FSIP2: variants seen among roughly 807,000 people sequenced by gnomAD.
FSIP2 encodes the protein fibrous sheath-interacting protein 2.
Under a neutral mutation model 510.5 loss-of-function variants are expected in FSIP2, and 367 were observed. The ratio of observed to expected loss-of-function variants is 0.72; its 90% CI spans 0.66 to 0.78. FSIP2 has a LOEUF of 0.78. FSIP2 is among the 30% of genes least tolerant of loss of function. FSIP2 has a pLI of 0.00. For synonymous variants in FSIP2, 2,601 were observed against 2,732.2 expected (o/e 0.95, Z 1.50); for missense variants, 7,594 against 7,901.7 (o/e 0.96, Z 1.48).
chr2:185,795,592 A>T lies in FSIP2; in HGVS notation c.8456A>T (p.Tyr2819Phe). Residue 2819 changes from tyrosine to phenylalanine, a missense_variant, in exon 16 of 23, where the codon TAC becomes TTC. Tyr to Phe is a conservative substitution (Grantham distance 22). Transcript: ENST00000424728. ...GSLPKQQACF[Y>F]LENVSSQLEH... ...CTTCCTAAACAACAAGCATGTTTTT[A>T]CTTGGAGAATGTTTCTTCACAGCTA... is the stretch of plus-strand genomic sequence containing the variant. The T allele has an allele frequency of 6.5e-7, 1 of 1,535,138 alleles. No individual in the cohort carries two copies.
At chr2:185,742,375 A>T (rs904014344) in intron 2 of FSIP2, among the ~76,000 whole-genome samples, 4 of 152,248 alleles carry the variant, frequency 2.6e-5, no homozygotes, top group African/African-American at 9.6e-5. Flanking sequence ...AGCAGATATA[A>T]GAAACATGAC....
rs1185313010 is a variant in FSIP2, at chr2:185,789,523, T to G, written c.2387T>G (p.Leu796Arg). 1 of 1,534,702 alleles carries G rather than the reference T, an allele frequency of 6.5e-7. No homozygotes were observed. Among genetic ancestry groups the G allele is most frequent in the South Asian group, 1.2e-5 (1 of 84,038 alleles). The stretch of plus-strand genomic sequence containing the variant: ...CCAAGTTTAGCAGCCAGTGATGAAC[T>G]TCTCACATCATCTAATGGAAAACCT... ...IKPSLAASDELLTSSNGKPLK... is the reference protein window; with the variant it reads ...IKPSLAASDERLTSSNGKPLK... Residue 796 changes from leucine to arginine, a missense_variant, in exon 16 of 23, where the codon CTT (leucine) becomes CGT (arginine). By Grantham distance (102) the Leu-to-Arg change is moderately radical (BLOSUM62 -2). Transcript: ENST00000424728.
chr2:185,741,658 G>A (rs1034021271), intron 2 of FSIP2, among the ~76,000 whole-genome samples: 2 of 152,224 alleles, frequency 1.3e-5, no homozygotes, highest in African/African-American at 2.4e-5. Context: ...TCCCCTTTAC[G>A]AGTTCTTTCT....
chr2:185,782,593 G>C (rs1692875654), intron 13 of FSIP2, 112 bp from the exon 14 acceptor site: 1 of 690,110 alleles, frequency 1.4e-6, no homozygotes, highest in Admixed American at 2.2e-5. Context: ...GTCCCTGAAA[G>C]CCTGTAAACG....
intron 1 of FSIP2, 88 bp downstream of exon 1, chr2:185,739,081 G>C: frequency 7.0e-7 from 1 of 1,422,516 alleles, no homozygotes; most frequent in Non-Finnish European, 9.3e-7. Context: ...CACGGGTCGC[G>C]AGGCTCCCAA....
In FSIP2 at chr2:185,807,431, C is replaced by T; in HGVS notation, c.18125C>T (p.Thr6042Ile). The T allele has an allele frequency of 6.2e-7, 1 of 1,611,670 alleles. No individual in the cohort carries two copies. The highest frequency in any genetic ancestry group is 8.5e-7 in the Non-Finnish European group (1 of 1,179,154). Residue 6042 changes from threonine (T) to isoleucine (I), a missense_variant, in exon 17 of 23, where the codon ACA (threonine) becomes ATA (isoleucine). Transcript: ENST00000424728. ...AAAGAACCTGAGGACAATTTGTCCA[C>T]AGAACTGAATTTCCTTCAAATGAAG... is the stretch of plus-strand genomic sequence containing the variant. Reference protein sequence around the residue: ...KTKEPEDNLSTELNFLQMKLV... With the variant: ...KTKEPEDNLSIELNFLQMKLV...
At chr2:185,828,072 TAAA>T in intron 20 of FSIP2, 81 bp from the exon 21 acceptor site, 1 of 795,382 alleles carries the variant, frequency 1.3e-6, no homozygotes, top group South Asian at 1.6e-5. Flanking sequence ...TGGTGAAAAA[TAAA>T]TAATATGATC....
intron 15 of FSIP2, 33 bp downstream of exon 15, chr2:185,786,321 A>C: frequency 2.1e-6 from 3 of 1,411,776 alleles, no homozygotes; most frequent in Non-Finnish European, 2.9e-6. Flanking sequence ...AGAAAGCAAC[A>C]TATTAGTCAT....
intron 11 of FSIP2, 90 bp downstream of exon 11, chr2:185,762,107 T>TA (rs973142086): frequency 1.6e-6 from 1 of 607,710 alleles, no homozygotes; most frequent in Non-Finnish European, 2.8e-6. Flanking sequence ...TATCTGATTA[T>TA]AAAAATATGC....
rs566980668 is a variant in FSIP2 at position 185,803,445 on chromosome 2, C to T, written c.14139C>T (p.Val4713=). 35 of 1,529,606 alleles carry T rather than the reference C, an allele frequency of 2.3e-5. No individual in the cohort carries two copies. In the African/African-American group the frequency reaches 3.7e-4, roughly 16 times the overall value. The allele number at this position is 1,529,606 out of a possible 1,614,324, so 94.8% of individuals were successfully genotyped here. Residue 4713 remains valine (V), a synonymous_variant, in exon 17 of 23, where the codon GTC becomes GTT. Coordinates refer to ENST00000424728, the MANE Select transcript of FSIP2 (RefSeq NM_173651.4). The part of the protein sequence containing the change: ...SKVLQEYEME[V]VPNKDFLNDT... ...TTTTGCAAGAATATGAAATGGAAGT[C>T]GTGCCCAATAAAGATTTTCTAAATG...
In FSIP2 at chr2:185,790,744, A is replaced by C; in HGVS notation, c.3608A>C (p.His1203Pro). 3 of 1,532,782 alleles carry C rather than the reference A, an allele frequency of 2.0e-6. No individual in the cohort carries two copies. Among genetic ancestry groups the C allele is most frequent in the Non-Finnish European group, 2.6e-6 (3 of 1,144,484 alleles). 94.9% of individuals were successfully genotyped at this position (1,532,782 alleles called of 1,614,324 possible). Residue 1203 changes from histidine to proline, a missense_variant, in exon 16 of 23, where the codon CAT becomes CCT. Coordinates refer to ENST00000424728, the MANE Select transcript of FSIP2 (RefSeq NM_173651.4). ...ISSSVHQISL[H>P]NSDTEHIVKE... ...TCATCAGTTCATCAGATTTCCTTAC[A>C]TAATTCTGACACTGAACACATAGTC...
In FSIP2 at chr2:185,796,682, A is replaced by G. The variant is rs1693287978; in HGVS notation, c.9546A>G (p.Gln3182=). The part of the protein sequence containing the change: ...KEGSLGINPS[Q]VSKTGFVFCS... ...GTAGTTTGGGGATTAATCCTTCACA[A>G]GTGAGTAAAACTGGGTTTGTGTTTT... The change falls in exon 16 of 23, where the codon CAA becomes CAG. Residue 3182 remains glutamine, a synonymous_variant. Coordinates refer to ENST00000424728, the MANE Select transcript of FSIP2 (RefSeq NM_173651.4). 3 of 1,535,130 alleles carry G rather than the reference A, an allele frequency of 2.0e-6. No homozygotes were observed. The highest frequency in any genetic ancestry group is 1.7e-6 in the Non-Finnish European group (2 of 1,146,260).
In FSIP2 at chr2:185,808,285, G is replaced by C. The variant is rs1693637155; in HGVS notation, c.18979G>C (p.Asp6327His). The C allele has an allele frequency of 6.2e-7, 1 of 1,601,658 alleles. No individual in the cohort carries two copies. The highest frequency in any genetic ancestry group is 1.7e-5 in the Admixed American group (1 of 57,250). ...KIMEKVIKII[D>H]ELKSKEKSSS... Reference sequence around the variant, plus strand: ...TATGGAAAAAGTGATCAAAATTATTGATGAACTTAAGTCTAAGGAAAAGTC... The same window carrying C: ...TATGGAAAAAGTGATCAAAATTATTCATGAACTTAAGTCTAAGGAAAAGTC... The change falls in exon 17 of 23, where the codon GAT becomes CAT. Residue 6327 changes from aspartate (D) to histidine (H), a missense_variant. Physicochemically the swap from Asp to His is moderately conservative, Grantham distance 81 (BLOSUM62 -1). Coordinates refer to ENST00000424728, the MANE Select transcript of FSIP2 (RefSeq NM_173651.4).
chr2:185,773,247 T>C (rs1246131906), intron 13 of FSIP2, among the ~76,000 whole-genome samples: 1 of 152,212 alleles, frequency 6.6e-6, no homozygotes, highest in Non-Finnish European at 1.5e-5. Flanking sequence ...CTCCTGAATT[T>C]GTGAAGCTTA....
At chr2:185,754,029 A>G (rs1414233722) in intron 8 of FSIP2, among the ~76,000 whole-genome samples, 187 bp downstream of exon 8, 2 of 151,498 alleles carry the variant, frequency 1.3e-5, no homozygotes, top group East Asian at 1.9e-4. Flanking sequence ...AACAAATTAT[A>G]ACAATCTCAT....
rs1693221477 is a variant in FSIP2, at chr2:185,794,560, CA to C, written c.7430del (p.Asn2477ThrfsTer15). On this transcript the variant is annotated frameshift_variant, in exon 16 of 23. Coordinates refer to ENST00000424728, the MANE Select transcript of FSIP2 (RefSeq NM_173651.4). LOFTEE classifies it high-confidence loss of function. Reference sequence around the variant, plus strand: ...GAAATATTTATGAGAAATGGAGAATCAAAAAACAAAGAAAAAGGTGAACTGC... The same window carrying C: ...GAAATATTTATGAGAAATGGAGAATCAAAAACAAAGAAAAAGGTGAACTGC... Reference protein sequence around the residue: ...LEEIFMRNGESKNKEKGELLI... With the variant: ...LEEIFMRNGEXKNKEKGELLI... The C allele has an allele frequency of 1.3e-6, 2 of 1,529,614 alleles. No individual in the cohort carries two copies. Among genetic ancestry groups the C allele is most frequent in the African/African-American group, 1.4e-5 (1 of 72,506 alleles). The allele number at this position is 1,529,614 out of a possible 1,614,324, so 94.8% of individuals were successfully genotyped here.
intron 22 of FSIP2, 86 bp from the exon 23 acceptor site, chr2:185,833,004 C>T (rs1694135050): frequency 8.4e-7 from 1 of 1,195,442 alleles, no homozygotes; most frequent in African/African-American, 1.5e-5. Context: ...GCTGGGCCAC[C>T]TTTTACTCAT....
intron 13 of FSIP2, among the ~76,000 whole-genome samples, chr2:185,780,431 TTTA>T (rs1365492634): frequency 1.3e-5 from 2 of 151,660 alleles, no homozygotes; most frequent in Non-Finnish European, 2.9e-5. Flanking sequence ...TTCTATATAG[TTTA>T]TTATTTCATA....
intron 19 of FSIP2, among the ~76,000 whole-genome samples, chr2:185,824,069 G>A (rs151187251): frequency 6.6e-6 from 1 of 151,854 alleles, no homozygotes; most frequent in African/African-American, 2.4e-5. Flanking sequence ...TGGTTCCCAG[G>A]GGATGGGGAG....
Sources: gnomAD v4.1 joint callset for allele counts (sites outside exome capture counted in the v4.1 genomes callset) on GRCh38, gnomAD v4.1.1 for gene constraint, MANE v1.5 for transcripts, NCBI Gene and HGNC (gene_info 2026-07-23, HGNC 2026-07-21) for gene names.